Variants in ZNF644 observed in about 807,000 individuals in gnomAD.
The protein encoded by ZNF644 is zinc finger protein 644, also known as zinc finger motif enhancer binding protein 2.
Under a neutral mutation model 108.0 loss-of-function variants are expected in ZNF644, and 20 were observed. That is an observed-to-expected ratio of 0.19 (90% CI 0.13 to 0.27). ZNF644 has a LOEUF of 0.27. Among genes scored for constraint, ZNF644 ranks in the 10% least tolerant of loss-of-function variants. ZNF644 has a pLI of 1.00. For missense variants in ZNF644, 1,338 were observed against 1,548.9 expected (o/e 0.86, Z 2.29); for synonymous variants, 542 against 539.1 (o/e 1.01, Z -0.08).
Position 90,936,250 on chromosome 1 carries a change from C to G in ZNF644, c.3688+1235G>C, listed in dbSNP as rs78288189. 6.9e-3 allele frequency among the ~76,000 whole-genome samples: 1,052 copies of G among 152,306 alleles called. 16 individuals carry two copies. The highest frequency in any genetic ancestry group is 0.024 in the African/African-American group (987 of 41,574). ...TCAGACAATCCTCACTCCCCCAACA[C>G]ATTTCAACTGGTTTCTTCAGCATTA... On this transcript the variant is annotated intron_variant, in intron 4 of 5. Transcript: ENST00000337393.
At chr1:91,012,788 A>C (rs1033594280) in intron 1 of ZNF644, among the ~76,000 whole-genome samples, 8 of 152,188 alleles carry the variant, frequency 5.3e-5, no homozygotes, top group Non-Finnish European at 7.3e-5. Context: ...ACTTATATGT[A>C]TAAATTCACT....
At chr1:91,001,330 A>G (rs1658766833) in intron 1 of ZNF644, among the ~76,000 whole-genome samples, 1 of 152,192 alleles carries the variant, frequency 6.6e-6, no homozygotes, top group South Asian at 2.1e-4. Flanking sequence ...CAAAAAGCTT[A>G]TCCACCATGA....
intron 2 of ZNF644, among the ~76,000 whole-genome samples, chr1:90,950,314 G>T (rs12239123): frequency 1.2e-5 from 1 of 82,400 alleles, no homozygotes; most frequent in Admixed American, 1.1e-4. Flanking sequence ...GGGGACAAAA[G>T]AAAAGAAAAC....
intron 4 of ZNF644, among the ~76,000 whole-genome samples, chr1:90,922,507 C>T (rs1441424490): frequency 1.3e-5 from 2 of 152,014 alleles, no homozygotes; most frequent in African/African-American, 2.4e-5. Flanking sequence ...TGCTGGAGGT[C>T]GTGCTGGCAG....
At chr1:90,923,234 A>G (rs962367421) in intron 4 of ZNF644, among the ~76,000 whole-genome samples, 4 of 152,166 alleles carry the variant, frequency 2.6e-5, no homozygotes, top group South Asian at 2.1e-4. Flanking sequence ...GGTCTACCAC[A>G]TAACTCATTT....
intron 4 of ZNF644, among the ~76,000 whole-genome samples, chr1:90,918,950 C>T (rs938649813): frequency 6.6e-6 from 1 of 151,508 alleles, no homozygotes; most frequent in East Asian, 1.9e-4. Flanking sequence ...TTTTCTCCAA[C>T]TGCTTATTTT....
At chr1:90,976,868 T>C (rs181713180) in intron 2 of ZNF644, among the ~76,000 whole-genome samples, 2 of 152,234 alleles carry the variant, frequency 1.3e-5, no homozygotes, top group Admixed American at 6.5e-5. Context: ...CATAGTACTT[T>C]AAACATATCT....
intron 2 of ZNF644, among the ~76,000 whole-genome samples, chr1:90,962,480 C>T (rs968697764): frequency 6.6e-6 from 1 of 151,944 alleles, no homozygotes; most frequent in Non-Finnish European, 1.5e-5. Context: ...ATGCCTCACA[C>T]ATTATACAAA....
chr1:90,974,178 A>G (rs1655773872), intron 2 of ZNF644, among the ~76,000 whole-genome samples: 1 of 152,034 alleles, frequency 6.6e-6, no homozygotes, highest in African/African-American at 2.4e-5. Flanking sequence ...CATCTCTACT[A>G]AAAATACAAA....
chr1:90,988,894 A>G (rs1657370874), intron 1 of ZNF644, among the ~76,000 whole-genome samples: 1 of 152,200 alleles, frequency 6.6e-6, no homozygotes, highest in South Asian at 2.1e-4. Context: ...TTCAAAATGG[A>G]TAAAGACCAA....
chr1:90,958,128 C>T (rs1047067347), intron 2 of ZNF644, among the ~76,000 whole-genome samples: 8 of 147,334 alleles, frequency 5.4e-5, no homozygotes, highest in Middle Eastern at 6.9e-3. Context: ...ACTAGCTGGG[C>T]GTGGTAGTGG....
Position 90,939,267 on chromosome 1 carries a change from A to C in ZNF644, c.2087T>G (p.Val696Gly). The C allele has an allele frequency of 6.2e-7, 1 of 1,614,008 alleles. No individual in the cohort carries two copies. The highest frequency in any genetic ancestry group is 8.5e-7 in the Non-Finnish European group (1 of 1,179,926). Residue 696 changes from valine to glycine, a missense_variant, in exon 3 of 6, where the codon GTA (valine) becomes GGA (glycine). Transcript: ENST00000337393. ...AGAGCTGTTTTGATTGCACATGTTT[A>C]CACCTGATTGGGCAATGCTTTTCCG... is the stretch of plus-strand genomic sequence containing the variant. Reference protein sequence around the residue: ...KARKSIAQSGVNMCNQNSSPH... With the variant: ...KARKSIAQSGGNMCNQNSSPH...
At chr1:91,001,315 C>A (rs892911286) in intron 1 of ZNF644, among the ~76,000 whole-genome samples, 1 of 152,152 alleles carries the variant, frequency 6.6e-6, no homozygotes, top group African/African-American at 2.4e-5. Context: ...AATCCAGCAG[C>A]ACATCAAAAA....
chr1:90,936,933 T>C (rs1277431209), intron 4 of ZNF644, among the ~76,000 whole-genome samples: 1 of 152,146 alleles, frequency 6.6e-6, no homozygotes, highest in East Asian at 1.9e-4. Context: ...AACCAAACTA[T>C]TCCGCAATAC....
Position 90,938,267 on chromosome 1 carries a change from C to T in ZNF644, c.3082+5G>A. On this transcript the variant is annotated splice_donor_5th_base_variant and intron_variant, in intron 3 of 5. Transcript: ENST00000337393. The surrounding 1 kb of genome is among the most constrained non-coding windows in gnomAD (Gnocchi z 4.2). ...CAGCCCAAATCATCCCCATGGAGAA[C>T]TTACCTTTTCTAACTCGTTTAACAG... is the stretch of plus-strand genomic sequence containing the variant. 8 of 1,613,960 alleles carry T rather than the reference C, an allele frequency of 5.0e-6. No individual in the cohort carries two copies. The highest frequency in any genetic ancestry group is 6.8e-6 in the Non-Finnish European group (8 of 1,179,846).
chr1:90,987,157 G>A (rs1657182673), intron 1 of ZNF644, among the ~76,000 whole-genome samples: 2 of 148,848 alleles, frequency 1.3e-5, no homozygotes, highest in Non-Finnish European at 3.0e-5. Context: ...GTAGCAGAAG[G>A]GAGAAAAATA....
intron 4 of ZNF644, chr1:90,935,339 C>G (rs1197407589): frequency 2.0e-6 from 2 of 983,614 alleles, no homozygotes; most frequent in Non-Finnish European, 2.4e-6. Flanking sequence ...TGAATTAACA[C>G]CAGTCTGGTG....
chr1:90,937,806 T>C lies in ZNF644; in HGVS notation c.3367A>G (p.Ile1123Val). ...SSDDFISQNV[I>V]PLEAYRNGLK... ...CCATTACGGTATGCTTCAAGAGGTA[T>C]AACATTTTGAGATATAAAGTCATCA... The change falls in exon 4 of 6, where the codon ATA becomes GTA. Residue 1123 changes from isoleucine (I) to valine (V), a missense_variant. Around this residue, in one of 6 missense-constraint regions of ZNF644, gnomAD observed 287 missense variants for 310.9 expected, o/e 0.92. Coordinates refer to ENST00000337393, the MANE Select transcript of ZNF644 (RefSeq NM_201269.3). The C allele has an allele frequency of 9.9e-6, 16 of 1,613,912 alleles. No individual in the cohort carries two copies. The highest frequency in any genetic ancestry group is 1.4e-5 in the Non-Finnish European group (16 of 1,179,894).
intron 2 of ZNF644, among the ~76,000 whole-genome samples, chr1:90,954,875 G>A (rs1015831773): frequency 3.3e-5 from 5 of 152,186 alleles, no homozygotes; most frequent in Non-Finnish European, 4.4e-5. Flanking sequence ...AATCACAAAT[G>A]TTTAAGTTGC....
Sources: gnomAD v4.1 joint callset for allele counts (sites outside exome capture counted in the v4.1 genomes callset) on GRCh38, gnomAD v4.1.1 for gene constraint, gnomAD v4.1.1 regional missense constraint, Gnocchi (gnomAD v3.1) non-coding constraint, MANE v1.5 for transcripts, NCBI Gene and HGNC (gene_info 2026-07-23, HGNC 2026-07-21) for gene names.